Variants in AFF3 observed in about 807,000 individuals in gnomAD.
AFF3 encodes the protein ALF transcription elongation factor 3.
AFF3 carries 32 observed loss-of-function variants against 129.7 expected under a neutral mutation model. That is an observed-to-expected ratio of 0.25 (90% CI 0.19 to 0.33). The LOEUF is 0.33. AFF3 is among the 10% of genes least tolerant of loss of function. AFF3 has a pLI of 1.00. For missense variants in AFF3, 1,373 were observed against 1,592.0 expected (o/e 0.86, Z 2.34); for synonymous variants, 644 against 635.4 (o/e 1.01, Z -0.20).
At chr2:99,639,496 A>C (rs543845207) in intron 13 of AFF3, among the ~76,000 whole-genome samples, 20 of 152,228 alleles carry the variant, frequency 1.3e-4, no homozygotes, top group Admixed American at 3.3e-4. Context: ...GTTGGCACTT[A>C]TCTCTCTTCA....
intron 7 of AFF3, among the ~76,000 whole-genome samples, chr2:99,904,874 T>C (rs951700209): frequency 6.6e-6 from 1 of 152,028 alleles, no homozygotes; most frequent in African/African-American, 2.4e-5. Flanking sequence ...TTCGAGCCGT[T>C]CCCATATTGC....
At chr2:99,788,093 A>G (rs1684938171) in intron 8 of AFF3, among the ~76,000 whole-genome samples, 1 of 152,228 alleles carries the variant, frequency 6.6e-6, no homozygotes, top group Non-Finnish European at 1.5e-5. Flanking sequence ...ACCTAATGCG[A>G]TGCCAGTCAT....
intron 8 of AFF3, among the ~76,000 whole-genome samples, chr2:99,800,056 T>G (rs940394197): frequency 2.0e-5 from 3 of 152,064 alleles, no homozygotes; most frequent in African/African-American, 7.2e-5. Flanking sequence ...ACAAGAACCA[T>G]AAATTAAAAA....
intron 7 of AFF3, among the ~76,000 whole-genome samples, chr2:99,996,422 T>C (rs1055554406): frequency 1.3e-5 from 2 of 152,158 alleles, no homozygotes; most frequent in African/African-American, 4.8e-5. Context: ...TTGTTGTTGT[T>C]GTTTTGAGAT....
intron 7 of AFF3, among the ~76,000 whole-genome samples, chr2:99,865,328 C>A (rs2105931722): frequency 6.6e-6 from 1 of 152,320 alleles, no homozygotes; most frequent in East Asian, 1.9e-4. Context: ...AGGAAAACAG[C>A]AGGCAGCTTT....
At chr2:100,053,743 T>C (rs1686541763) in intron 4 of AFF3, among the ~76,000 whole-genome samples, 1 of 152,190 alleles carries the variant, frequency 6.6e-6, no homozygotes, top group African/African-American at 2.4e-5. Context: ...TGCACTCACT[T>C]AATTATTCAC....
In AFF3 at chr2:99,593,365, G is replaced by C; in HGVS notation, c.2296C>G (p.Leu766Val). Reference protein sequence around the residue: ...PLKDSDEIRSLWVKIDLTLLS... With the variant: ...PLKDSDEIRSVWVKIDLTLLS... Reference sequence around the variant, plus strand: ...AGGGTCAGGTCGATTTTGACCCAGAGAGACCTGATCTCATCACTGTCCTTT... The same window carrying C: ...AGGGTCAGGTCGATTTTGACCCAGACAGACCTGATCTCATCACTGTCCTTT... The change falls in exon 15 of 25, where the codon CTC becomes GTC. Residue 766 changes from leucine to valine, a missense_variant. Leu to Val is a conservative substitution (Grantham distance 32). This residue lies in a region of AFF3 where 466 missense variants were observed against 505.0 expected (regional missense o/e 0.92). Transcript: ENST00000672756. 1 of 1,614,084 alleles carries C rather than the reference G, an allele frequency of 6.2e-7. No individual in the cohort carries two copies. Among genetic ancestry groups the C allele is most frequent in the Non-Finnish European group, 8.5e-7 (1 of 1,180,000 alleles).
intron 7 of AFF3, among the ~76,000 whole-genome samples, chr2:99,900,287 C>T (rs1307223606): frequency 1.3e-5 from 2 of 152,144 alleles, no homozygotes; most frequent in East Asian, 3.9e-4. Flanking sequence ...ACTTAAATTA[C>T]CATACCCCAG....
intron 11 of AFF3, among the ~76,000 whole-genome samples, chr2:99,691,673 G>T (rs940807675): frequency 6.6e-6 from 1 of 152,172 alleles, no homozygotes; most frequent in Non-Finnish European, 1.5e-5. Flanking sequence ...AAGTAAAGTT[G>T]TATCACTTAT....
intron 10 of AFF3, 30 bp from the exon 11 acceptor site, chr2:99,727,158 CAT>C (rs1558790885): frequency 1.9e-6 from 3 of 1,591,002 alleles, no homozygotes; most frequent in Non-Finnish European, 2.6e-6. Flanking sequence ...AAAATACCGA[CAT>C]ATGAGTCTTA....
chr2:99,604,815 T>C (rs1680172175), intron 13 of AFF3, among the ~76,000 whole-genome samples: 1 of 152,232 alleles, frequency 6.6e-6, no homozygotes, highest in African/African-American at 2.4e-5. Context: ...TGCCAAAGAT[T>C]AGCAAATGAA....
At chr2:100,125,630 T>TAAA (rs138774449) in intron 2 of AFF3, among the ~76,000 whole-genome samples, 1 of 150,202 alleles carries the variant, frequency 6.7e-6, no homozygotes, top group South Asian at 2.1e-4. Context: ...TTATTTTGGT[T>TAAA]AAAAAAAAAA....
chr2:100,140,784 A>T lies in AFF3; in HGVS notation c.-228+1700T>A, dbSNP rs151143413. Among the ~76,000 whole-genome samples the T allele has an allele frequency of 2.3e-3, 347 of 152,222 alleles. 1 individual carries two copies. The highest frequency in any genetic ancestry group is 7.8e-3 in the African/African-American group (323 of 41,522). On this transcript the variant is annotated intron_variant, in intron 1 of 24. Transcript: ENST00000672756. ...CCTCTCACAAGCAGGCCTCATAGGG[A>T]GGGGTGTTCTGTGCTGTTCCTCTTT...
chr2:99,700,684 T>C (rs1470890260), intron 11 of AFF3, among the ~76,000 whole-genome samples: 1 of 152,222 alleles, frequency 6.6e-6, no homozygotes, highest in Non-Finnish European at 1.5e-5. Context: ...CAGAGAAGCC[T>C]GTCTGGCAGA....
intron 1 of AFF3, among the ~76,000 whole-genome samples, chr2:100,130,667 C>T (rs575574290): frequency 6.6e-6 from 1 of 152,254 alleles, no homozygotes; most frequent in East Asian, 1.9e-4. Flanking sequence ...TATGGAGTTT[C>T]CTGTAGTTCT....
rs528367920 is a variant in AFF3, at chr2:99,937,085, G to A, written c.873+69547C>T. On this transcript the variant is annotated intron_variant, in intron 7 of 24. Coordinates refer to ENST00000672756, the MANE Select transcript of AFF3 (RefSeq NM_001386135.1). ...CCATCTGAAAATGCTGGGACTGGAA[G>A]CATTTTGGATTTTGGATTTTTTTTT... Among the ~76,000 whole-genome samples, 288 of 152,284 alleles carry A rather than the reference G, an allele frequency of 1.9e-3. 1 individual carries two copies. The highest frequency in any genetic ancestry group is 3.3e-3 in the South Asian group (16 of 4,826).
chr2:99,939,434 CTG>C (rs758898612), intron 7 of AFF3, among the ~76,000 whole-genome samples: 326 of 152,314 alleles, frequency 2.1e-3, no homozygotes, highest in Non-Finnish European at 3.4e-3. Flanking sequence ...ACTAAGTTCT[CTG>C]ATGCAGGAGA....
chr2:100,113,049 C>T (rs1691580998), intron 2 of AFF3, among the ~76,000 whole-genome samples: 1 of 152,194 alleles, frequency 6.6e-6, no homozygotes, highest in Non-Finnish European at 1.5e-5. Context: ...CAGCCCAAAT[C>T]CCCATGCTGT....
chr2:99,657,470 A>G (rs996773430), intron 12 of AFF3, among the ~76,000 whole-genome samples: 1 of 152,222 alleles, frequency 6.6e-6, no homozygotes, highest in Non-Finnish European at 1.5e-5. Context: ...CATTGATGGC[A>G]GAGATCCTAG....
Sources: allele counts gnomAD v4.1 joint callset (sites outside exome capture counted in the v4.1 genomes callset), GRCh38; gene constraint gnomAD v4.1.1; regional missense constraint gnomAD v4.1.1; transcripts MANE v1.5; gene names NCBI Gene and HGNC (gene_info 2026-07-23, HGNC 2026-07-21).